CREB3L2: variants seen among roughly 807,000 people sequenced by gnomAD.
CREB3L2 encodes the protein cyclic AMP-responsive element-binding protein 3-like protein 2.
Under a neutral mutation model 57.2 loss-of-function variants are expected in CREB3L2, and 23 were observed. The ratio of observed to expected loss-of-function variants is 0.40; its 90% CI spans 0.29 to 0.57. The LOEUF is 0.57. CREB3L2 is among the 20% of genes least tolerant of loss of function. The probability of loss-of-function intolerance (pLI) is 0.42; values close to 1 mark genes in which losing one functional copy is unlikely to be tolerated. For synonymous variants in CREB3L2, 268 were observed against 265.1 expected (o/e 1.01, Z -0.11); for missense variants, 628 against 634.7 (o/e 0.99, Z 0.11).
intron 1 of CREB3L2, among the ~76,000 whole-genome samples, chr7:137,973,783 G>T (rs777501685): frequency 1.3e-5 from 2 of 152,158 alleles, no homozygotes; most frequent in Non-Finnish European, 2.9e-5. Flanking sequence ...GGCTTCTGAT[G>T]AATGGCTCCC....
At chr7:137,896,762 C>T (rs932355082) in intron 8 of CREB3L2, among the ~76,000 whole-genome samples, 9 of 152,266 alleles carry the variant, frequency 5.9e-5, no homozygotes, top group African/African-American at 9.6e-5. Context: ...AGAGCCACTG[C>T]GCTCCTGAGA....
At chr7:137,955,542 A>T (rs1347197908) in intron 1 of CREB3L2, among the ~76,000 whole-genome samples, 7 of 152,242 alleles carry the variant, frequency 4.6e-5, no homozygotes, top group Admixed American at 3.3e-4. Context: ...TAATTGGAAG[A>T]TAATCTGAAA....
chr7:137,960,095 T>C (rs1330442033), intron 1 of CREB3L2, among the ~76,000 whole-genome samples: 1 of 152,198 alleles, frequency 6.6e-6, no homozygotes, highest in African/African-American at 2.4e-5. Context: ...TATATAATTC[T>C]CATTATATAG....
chr7:137,903,590 A>C (rs2117202834), intron 7 of CREB3L2, among the ~76,000 whole-genome samples: 1 of 152,112 alleles, frequency 6.6e-6, no homozygotes, highest in East Asian at 1.9e-4. Flanking sequence ...GAGTGTGGCC[A>C]ATGGGGGCTG....
In CREB3L2 at chr7:137,885,082, A is replaced by G. The variant is rs751718480; in HGVS notation, c.1183T>C (p.Phe395Leu). 6.2e-7 allele frequency: 1 copy of G among 1,614,214 alleles called. No homozygotes were observed. Among genetic ancestry groups the G allele is most frequent in the South Asian group, 1.1e-5 (1 of 91,088 alleles). ...LCFAVAFGSF[F>L]QGYGPYPSAT... ...GAAGGATAGGGCCCGTAGCCTTGAA[A>G]GAAGCTGCCGAATGCAACGGCAAAG... The change falls in exon 10 of 12, where the codon TTT (phenylalanine) becomes CTT (leucine). Residue 395 changes from phenylalanine to leucine, a missense_variant. Physicochemically the swap from Phe to Leu is conservative, Grantham distance 22 (BLOSUM62 0). Around this residue, in one of 3 missense-constraint regions of CREB3L2, gnomAD observed 272 missense variants for 242.7 expected, o/e 1.12. Transcript: ENST00000330387.
intron 1 of CREB3L2, among the ~76,000 whole-genome samples, chr7:137,969,760 A>AC: frequency 8.7e-6 from 1 of 114,726 alleles, no homozygotes; most frequent in African/African-American, 3.3e-5. Context: ...AAGGGTCATC[A>AC]AACACACACA....
intron 1 of CREB3L2, among the ~76,000 whole-genome samples, chr7:137,952,307 C>T (rs1215517222): frequency 1.3e-5 from 2 of 152,142 alleles, no homozygotes; most frequent in Non-Finnish European, 2.9e-5. Flanking sequence ...TATCATCTGA[C>T]TTTGAAGGTT....
intron 1 of CREB3L2, among the ~76,000 whole-genome samples, chr7:137,998,319 G>C (rs1166588796): frequency 6.6e-6 from 1 of 152,222 alleles, no homozygotes; most frequent in Non-Finnish European, 1.5e-5. Context: ...CTAAAACAGA[G>C]CATTAGCAAT....
At chr7:137,914,210 T>C (rs756829870) in intron 3 of CREB3L2, among the ~76,000 whole-genome samples, 1 of 151,534 alleles carries the variant, frequency 6.6e-6, no homozygotes, top group Non-Finnish European at 1.5e-5. Flanking sequence ...AATGATGTTA[T>C]TATTAAGGCT....
intron 1 of CREB3L2, among the ~76,000 whole-genome samples, chr7:137,959,028 C>T (rs1453075386): frequency 6.6e-6 from 1 of 152,198 alleles, no homozygotes; most frequent in Non-Finnish European, 1.5e-5. Context: ...GTGTGTATGT[C>T]TGTCTCATGT....
intron 1 of CREB3L2, among the ~76,000 whole-genome samples, chr7:137,969,142 T>C (rs1285459860): frequency 6.6e-6 from 1 of 152,218 alleles, no homozygotes; most frequent in Admixed American, 6.5e-5. Flanking sequence ...AAGAAAACTG[T>C]TCCCAGTCTG....
Position 137,882,615 on chromosome 7 carries a change from G to A in CREB3L2, c.1284C>T (p.Asn428=). ...PYTASVVRSR[N]LLIYEEHSPP... ...GAGAATGTTCCTCGTAGATCAGCAG[G>A]TTTCTGGATCTCACTGAGGACAGAG... The change falls in exon 11 of 12, where the codon AAC becomes AAT. Residue 428 remains asparagine (N), a synonymous_variant. Transcript: ENST00000330387. The A allele has an allele frequency of 1.9e-6, 3 of 1,603,954 alleles. No individual in the cohort carries two copies. Among genetic ancestry groups the A allele is most frequent in the Middle Eastern group, 1.7e-4 (1 of 5,994 alleles).
chr7:137,931,261 G>T (rs746096890), intron 1 of CREB3L2, among the ~76,000 whole-genome samples: 6 of 152,034 alleles, frequency 3.9e-5, no homozygotes, highest in African/African-American at 1.4e-4. Context: ...GGTGGTTCAC[G>T]CCTGTAATCC....
intron 5 of CREB3L2, among the ~76,000 whole-genome samples, chr7:137,906,425 A>G (rs948524853): frequency 6.6e-6 from 1 of 152,052 alleles, no homozygotes; most frequent in Non-Finnish European, 1.5e-5. Context: ...AGCACATCTC[A>G]TGGAACCCAC....
intron 1 of CREB3L2, among the ~76,000 whole-genome samples, chr7:137,955,780 GA>G (rs2117278171): frequency 6.6e-6 from 1 of 152,226 alleles, no homozygotes; most frequent in Admixed American, 6.5e-5. Flanking sequence ...TCCATTACTG[GA>G]ACACTAAGCA....
intron 1 of CREB3L2, among the ~76,000 whole-genome samples, chr7:137,971,554 T>C (rs1320802099): frequency 6.6e-6 from 1 of 152,140 alleles, no homozygotes; most frequent in Non-Finnish European, 1.5e-5. Context: ...TAGGCTGTGA[T>C]GTGTGAGTGC....
intron 1 of CREB3L2, among the ~76,000 whole-genome samples, chr7:137,975,785 G>A (rs755421970): frequency 4.5e-4 from 68 of 152,220 alleles, no homozygotes; most frequent in Non-Finnish European, 8.7e-4. Flanking sequence ...AGACAATCAA[G>A]CTTTGCATGA....
At chr7:137,946,025 T>G (rs1345260031) in intron 1 of CREB3L2, among the ~76,000 whole-genome samples, 1 of 152,166 alleles carries the variant, frequency 6.6e-6, no homozygotes, top group Non-Finnish European at 1.5e-5. Flanking sequence ...CCCCAAATTA[T>G]AGTCTGTTAA....
At chr7:137,957,766 C>T (rs1268635797) in intron 1 of CREB3L2, 1 of 1,288,726 alleles carries the variant, frequency 7.8e-7, no homozygotes, top group South Asian at 1.2e-5. Context: ...AGAAGACTGG[C>T]TGTACAAGAA....
Sources: gnomAD v4.1 joint callset for allele counts (sites outside exome capture counted in the v4.1 genomes callset) on GRCh38, gnomAD v4.1.1 for gene constraint, gnomAD v4.1.1 regional missense constraint, MANE v1.5 for transcripts, NCBI Gene and HGNC (gene_info 2026-07-23, HGNC 2026-07-21) for gene names.